PLXNA4: variants seen among roughly 807,000 people sequenced by gnomAD.
PLXNA4 encodes plexin A4.
A neutral mutation model predicts 191.8 loss-of-function variants in PLXNA4; 44 were observed. That is an observed-to-expected ratio of 0.23 (90% CI 0.18 to 0.29). The LOEUF is 0.29. Ranked by LOEUF, PLXNA4 falls within the 10% of genes least tolerant of loss-of-function variation. The probability of loss-of-function intolerance (pLI) is 1.00; values close to 1 mark genes in which losing one functional copy is unlikely to be tolerated. For synonymous variants in PLXNA4, 1,082 were observed against 1,009.5 expected (o/e 1.07, Z -1.36); for missense variants, 1,800 against 2,488.8 (o/e 0.72, Z 5.89).
chr7:132,610,004 C>T (rs1803015533), intron 2 of PLXNA4, among the ~76,000 whole-genome samples: 1 of 152,204 alleles, frequency 6.6e-6, no homozygotes, highest in African/African-American at 2.4e-5. Context: ...CCACCATCTG[C>T]CTGCTTGAAC....
At chr7:132,333,434 C>G (rs1287684356) in intron 3 of PLXNA4, among the ~76,000 whole-genome samples, 1 of 152,148 alleles carries the variant, frequency 6.6e-6, no homozygotes, top group Admixed American at 6.5e-5. Flanking sequence ...TAGCAACAAG[C>G]ACCAGGCAAC....
At chr7:132,639,204 G>A (rs1453970259) in intron 2 of PLXNA4, among the ~76,000 whole-genome samples, 1 of 152,158 alleles carries the variant, frequency 6.6e-6, no homozygotes, top group Non-Finnish European at 1.5e-5. Context: ...CATATCCTGG[G>A]TGCCCAGATC....
chr7:132,190,738 G>A (rs947575914), intron 14 of PLXNA4, among the ~76,000 whole-genome samples: 1 of 152,172 alleles, frequency 6.6e-6, no homozygotes, highest in Non-Finnish European at 1.5e-5. Context: ...ATGAGGTGGC[G>A]GTGATTCTAG....
chr7:132,423,880 G>A (rs922090454), intron 3 of PLXNA4, among the ~76,000 whole-genome samples: 4 of 152,074 alleles, frequency 2.6e-5, no homozygotes, highest in East Asian at 1.9e-4. Context: ...CACCACCATC[G>A]GGGCCACAAG....
chr7:132,475,933 G>C (rs1215935200), intron 3 of PLXNA4, among the ~76,000 whole-genome samples: 4 of 152,118 alleles, frequency 2.6e-5, no homozygotes, highest in Admixed American at 6.5e-5. Context: ...CTGATTAGGT[G>C]GTGTGCCGCT....
upstream of PLXNA4, chr7:132,577,207 G>A (rs1278965603): frequency 3.4e-5 from 5 of 148,982 alleles, no homozygotes. Flanking sequence ...CCCCGGGCGG[G>A]CTGCTCGCAA....
intron 2 of PLXNA4, among the ~76,000 whole-genome samples, chr7:132,589,170 AG>A (rs1732394768): frequency 2.0e-5 from 3 of 152,156 alleles, no homozygotes; most frequent in Non-Finnish European, 4.4e-5. Context: ...CACTACCCTT[AG>A]GGGGTTTCAG....
intron 3 of PLXNA4, among the ~76,000 whole-genome samples, chr7:132,425,513 C>T (rs1795008918): frequency 6.6e-6 from 1 of 152,062 alleles, no homozygotes; most frequent in African/African-American, 2.4e-5. Context: ...CTCCTCCTCC[C>T]CTTCCTCACC....
At chr7:132,385,793 A>G (rs887915601) in intron 3 of PLXNA4, among the ~76,000 whole-genome samples, 2 of 152,244 alleles carry the variant, frequency 1.3e-5, no homozygotes, top group Admixed American at 6.5e-5. Flanking sequence ...CCTGTGGCCA[A>G]CCTTGCCCCT....
intron 3 of PLXNA4, among the ~76,000 whole-genome samples, chr7:132,486,850 C>T (rs1797578573): frequency 6.6e-6 from 1 of 152,208 alleles, no homozygotes; most frequent in Non-Finnish European, 1.5e-5. Flanking sequence ...GGACTCTGTC[C>T]TTACCTGCCT....
chr7:132,388,071 C>T (rs1805234254), intron 3 of PLXNA4, among the ~76,000 whole-genome samples: 1 of 152,132 alleles, frequency 6.6e-6, no homozygotes, highest in African/African-American at 2.4e-5. Context: ...TCAACCTGCA[C>T]ACAAGTGAGG....
At position 132,153,465 on chromosome 7, in the gene PLXNA4, G is replaced by A. The variant is rs1316187181; in HGVS notation, c.4661-4819C>T. On this transcript the variant is annotated intron_variant, in intron 25 of 31. Transcript: ENST00000321063. ...CTTTGTCCAAAGCAGAAGTGGCAGCGAGGACCTAAGTGAAGGTAGTGGGGC... is the reference window on the plus strand; with the variant it reads ...CTTTGTCCAAAGCAGAAGTGGCAGCAAGGACCTAAGTGAAGGTAGTGGGGC... Among the ~76,000 whole-genome samples, 7 of 152,186 alleles carry A rather than the reference G, an allele frequency of 4.6e-5. No individual in the cohort carries two copies. In the East Asian group the frequency reaches 9.7e-4, roughly 21 times the overall value.
intron 5 of PLXNA4, among the ~76,000 whole-genome samples, chr7:132,229,393 C>T (rs764625068): frequency 6.6e-6 from 1 of 152,150 alleles, no homozygotes; most frequent in Non-Finnish European, 1.5e-5. Flanking sequence ...ATGCAGGCAT[C>T]ACTTGAGGTC....
chr7:132,622,210 C>T (rs1044784528), intron 2 of PLXNA4, among the ~76,000 whole-genome samples: 9 of 151,934 alleles, frequency 5.9e-5, no homozygotes, highest in South Asian at 4.2e-4. Flanking sequence ...GCATGATGAG[C>T]GTAGAAGCCA....
chr7:132,287,583 T>C (rs988517529), intron 4 of PLXNA4, among the ~76,000 whole-genome samples: 12 of 152,138 alleles, frequency 7.9e-5, no homozygotes, highest in African/African-American at 2.9e-4. Context: ...GGAGCCTCCA[T>C]CCTGCACATG....
At chr7:132,557,951 C>A (rs1295548189) in intron 1 of PLXNA4, among the ~76,000 whole-genome samples, 3 of 151,534 alleles carry the variant, frequency 2.0e-5, no homozygotes, top group Admixed American at 6.6e-5. Flanking sequence ...GAGAGAGAGA[C>A]AATCAAACAA....
At chr7:132,207,881 G>A (rs571657987) in intron 10 of PLXNA4, among the ~76,000 whole-genome samples, 1 of 152,212 alleles carries the variant, frequency 6.6e-6, no homozygotes, top group South Asian at 2.1e-4. Flanking sequence ...CTTCGCTGCT[G>A]TTCTTTGCTC....
chr7:132,383,197 A>G (rs1454944094), intron 3 of PLXNA4, among the ~76,000 whole-genome samples: 1 of 152,056 alleles, frequency 6.6e-6, no homozygotes, highest in Non-Finnish European at 1.5e-5. Context: ...CACCAAGCAA[A>G]CCATACAGCC....
intron 25 of PLXNA4, among the ~76,000 whole-genome samples, chr7:132,157,264 C>G (rs1795826144): frequency 6.6e-6 from 1 of 152,224 alleles, no homozygotes; most frequent in South Asian, 2.1e-4. Context: ...CACCCTCAGG[C>G]AGGTCCTTGT....
Sources: gnomAD v4.1 joint callset for allele counts (sites outside exome capture counted in the v4.1 genomes callset) on GRCh38, gnomAD v4.1.1 for gene constraint, MANE v1.5 for transcripts, NCBI Gene and HGNC (gene_info 2026-07-23, HGNC 2026-07-21) for gene names.